The following RBFOX1 variants were observed in gnomAD, a reference collection of about 807,000 sequenced individuals.
RBFOX1 encodes RNA binding fox-1 homolog 1, also known as RNA binding protein fox-1 homolog 1.
Under a neutral mutation model 57.7 loss-of-function variants are expected in RBFOX1, and 8 were observed. The observed-to-expected ratio is 0.14, with a 90% CI of 0.08 to 0.25. The LOEUF (loss-of-function observed/expected upper bound fraction) is 0.25, where lower values mean the gene tolerates loss of function less well. Among genes scored for constraint, RBFOX1 ranks in the 10% least tolerant of loss-of-function variants. The pLI, the probability that RBFOX1 is intolerant of heterozygous loss-of-function variation, is 1.00. For synonymous variants in RBFOX1, 326 were observed against 222.4 expected (o/e 1.47, Z -4.15); for missense variants, 611 against 548.5 (o/e 1.11, Z -1.14).
intron 2 of RBFOX1, among the ~76,000 whole-genome samples, chr16:6,641,078 C>T (rs962912942): frequency 2.6e-5 from 4 of 152,200 alleles, no homozygotes; most frequent in African/African-American, 7.2e-5. Flanking sequence ...ACTTCAGTTG[C>T]TTAAATGGAG....
intron 2 of RBFOX1, among the ~76,000 whole-genome samples, chr16:6,605,675 C>T (rs554465702): frequency 4.6e-5 from 7 of 152,346 alleles, no homozygotes; most frequent in African/African-American, 1.2e-4. Flanking sequence ...TGGGTACTGG[C>T]TCCCCGCCAG....
At chr16:6,065,600 T>C (rs548945052) in intron 1 of RBFOX1, among the ~76,000 whole-genome samples, 16 of 152,288 alleles carry the variant, frequency 1.1e-4, no homozygotes, top group African/African-American at 3.6e-4. Flanking sequence ...CAGAAACAAA[T>C]CTTCATCCTT....
At chr16:5,300,445 G>A (rs1399399195) in intron 1 of RBFOX1, among the ~76,000 whole-genome samples, 1 of 151,998 alleles carries the variant, frequency 6.6e-6, no homozygotes, top group East Asian at 1.9e-4. Flanking sequence ...CAAAATCTCA[G>A]AAACCACCAC....
intron 2 of RBFOX1, among the ~76,000 whole-genome samples, chr16:6,485,885 T>G (rs1307702938): frequency 6.6e-6 from 1 of 152,174 alleles, no homozygotes; most frequent in Non-Finnish European, 1.5e-5. Flanking sequence ...CTGTATTTAC[T>G]CAGACTTGGT....
intron 4 of RBFOX1, among the ~76,000 whole-genome samples, chr16:5,876,303 T>C (rs1471150044): frequency 6.8e-6 from 1 of 146,666 alleles, no homozygotes; most frequent in Non-Finnish European, 1.5e-5. Context: ...CCTCACAATA[T>C]AACCCTATGA....
chr16:5,281,370 C>T (rs2063267717), intron 1 of RBFOX1, among the ~76,000 whole-genome samples: 1 of 152,026 alleles, frequency 6.6e-6, no homozygotes, highest in African/African-American at 2.4e-5. Flanking sequence ...GAGAATGTTC[C>T]ATGTGTTGAT....
At chr16:6,106,286 C>T (rs1352845172) in intron 1 of RBFOX1, among the ~76,000 whole-genome samples, 1 of 130,814 alleles carries the variant, frequency 7.6e-6, no homozygotes, top group Non-Finnish European at 1.6e-5. Context: ...GGCAAAACCC[C>T]ATCTCTAGTA....
At chr16:6,351,368 ATATATTTT>A (rs1326984834) in intron 2 of RBFOX1, among the ~76,000 whole-genome samples, 1,385 of 103,814 alleles carry the variant, frequency 0.013, 49 homozygotes, top group African/African-American at 0.057. Context: ...ATATATATAT[ATATATTTT>A]TTTTTTTTTT....
intron 3 of RBFOX1, among the ~76,000 whole-genome samples, chr16:6,880,427 C>A (rs931563078): frequency 6.6e-6 from 1 of 152,184 alleles, no homozygotes; most frequent in Non-Finnish European, 1.5e-5. Context: ...GACCCAGGTG[C>A]AGCCAATCAG....
chr16:5,334,052 G>A (rs1003847940), intron 1 of RBFOX1, among the ~76,000 whole-genome samples: 4 of 150,756 alleles, frequency 2.7e-5, no homozygotes, highest in African/African-American at 5.0e-5. Context: ...GCTTCTGGCC[G>A]ATTTCTGTCA....
chr16:5,602,399 A>T (rs1400454237), downstream of RBFOX1, among the ~76,000 whole-genome samples: 2 of 152,182 alleles, frequency 1.3e-5, no homozygotes, highest in Admixed American at 6.5e-5. Flanking sequence ...AAAAAGATGT[A>T]CCCTCAATAT....
chr16:5,775,932 C>G (rs898166802), intron 3 of RBFOX1, among the ~76,000 whole-genome samples: 12 of 152,122 alleles, frequency 7.9e-5, no homozygotes, highest in African/African-American at 2.4e-4. Context: ...TTGAGGTGCC[C>G]CTGTTCTTGT....
At chr16:6,165,227 T>G (rs994436766) in intron 1 of RBFOX1, among the ~76,000 whole-genome samples, 2 of 152,204 alleles carry the variant, frequency 1.3e-5, no homozygotes, top group Non-Finnish European at 2.9e-5. Flanking sequence ...AAATGATGAA[T>G]GAAAGGCTTT....
intron 1 of RBFOX1, among the ~76,000 whole-genome samples, chr16:5,465,220 G>C (rs1391821145): frequency 6.6e-6 from 1 of 152,156 alleles, no homozygotes; most frequent in East Asian, 1.9e-4. Flanking sequence ...TCCTTGCCTT[G>C]TAGGTGGCCA....
chr16:7,553,331 G>C (rs540720576), intron 5 of RBFOX1, among the ~76,000 whole-genome samples: 1 of 152,172 alleles, frequency 6.6e-6, no homozygotes, highest in Admixed American at 6.5e-5. Context: ...TTTCTGTAGA[G>C]ATGGGATCTC....
chr16:7,456,969 C>A (rs1158633564), intron 4 of RBFOX1, among the ~76,000 whole-genome samples: 1 of 152,076 alleles, frequency 6.6e-6, no homozygotes, highest in Non-Finnish European at 1.5e-5. Flanking sequence ...CGGCTCACTG[C>A]AACCTCTGCC....
chr16:7,485,187 C>G (rs991041489), intron 4 of RBFOX1, among the ~76,000 whole-genome samples: 4 of 152,092 alleles, frequency 2.6e-5, no homozygotes, highest in Non-Finnish European at 4.4e-5. Context: ...GGTGTGTTCA[C>G]TGACCTACCT....
intron 3 of RBFOX1, among the ~76,000 whole-genome samples, chr16:5,646,277 G>A (rs549242841): frequency 1.3e-5 from 2 of 149,394 alleles, no homozygotes; most frequent in Admixed American, 6.8e-5. Context: ...CGCCTTCCTC[G>A]GCCTCCCAAA....
At chr16:6,241,309 C>G (rs772757030) in intron 1 of RBFOX1, among the ~76,000 whole-genome samples, 3 of 152,192 alleles carry the variant, frequency 2.0e-5, no homozygotes, top group Non-Finnish European at 2.9e-5. Context: ...TGGCACAATT[C>G]TTGCTGTCCT....
Sources: gnomAD v4.1 joint callset for allele counts (sites outside exome capture counted in the v4.1 genomes callset) on GRCh38, gnomAD v4.1.1 for gene constraint, MANE v1.5 for transcripts, NCBI Gene and HGNC (gene_info 2026-07-23, HGNC 2026-07-21) for gene names.